BCAS3: variants seen among roughly 807,000 people sequenced by gnomAD.
The protein encoded by BCAS3 is BCAS4/BCAS3 fusion.
In BCAS3, 53 loss-of-function variants were observed where a neutral mutation model predicts 116.1. That is an observed-to-expected ratio of 0.46 (90% CI 0.37 to 0.57). The LOEUF is 0.57. Ranked by LOEUF, BCAS3 falls within the 20% of genes least tolerant of loss-of-function variation. The pLI, the probability that BCAS3 is intolerant of heterozygous loss-of-function variation, is 0.00. For missense variants in BCAS3, 917 were observed against 1,165.4 expected (o/e 0.79, Z 3.10); for synonymous variants, 391 against 408.2 (o/e 0.96, Z 0.51).
chr17:61,050,182 G>A (rs2068729796), intron 19 of BCAS3, among the ~76,000 whole-genome samples: 2 of 151,994 alleles, frequency 1.3e-5, no homozygotes, highest in African/African-American at 4.8e-5. Flanking sequence ...CATATGAAAT[G>A]TTAAAGGGAG....
At chr17:60,952,651 T>C (rs1157374798) in intron 14 of BCAS3, among the ~76,000 whole-genome samples, 2 of 152,134 alleles carry the variant, frequency 1.3e-5, no homozygotes, top group African/African-American at 4.8e-5. Context: ...GGGGTACATA[T>C]GCAGGTTTAT....
At chr17:60,718,646 T>A (rs567702781) in intron 5 of BCAS3, among the ~76,000 whole-genome samples, 2 of 152,292 alleles carry the variant, frequency 1.3e-5, no homozygotes, top group Admixed American at 1.3e-4. Flanking sequence ...AGGTGATACC[T>A]TGAGGATTCA....
intron 22 of BCAS3, among the ~76,000 whole-genome samples, chr17:61,232,890 A>T (rs1402079403): frequency 6.6e-6 from 1 of 152,228 alleles, no homozygotes; most frequent in Non-Finnish European, 1.5e-5. Context: ...CTACTGCATT[A>T]GCCTTGAGCT....
chr17:61,365,189 A>G lies in BCAS3; in HGVS notation c.2426-3138A>G, dbSNP rs2058661418. 6.6e-6 allele frequency among the ~76,000 whole-genome samples: 1 copy of G among 152,176 alleles called. No individual in the cohort carries two copies. The highest frequency in any genetic ancestry group is 1.5e-5 in the Non-Finnish European group (1 of 68,026). ...TCCAGGCCTATTTCCATCCACCACT[A>G]TGACACTAGCTCATGATTCTTTTCT... is the stretch of plus-strand genomic sequence containing the variant. On this transcript the variant is annotated intron_variant, in intron 22 of 23. Coordinates refer to ENST00000407086, the MANE Select transcript of BCAS3 (RefSeq NM_017679.5). The surrounding 1 kb of genome is among the most constrained non-coding windows in gnomAD (Gnocchi z 4.6).
rs1174321731 is a variant in BCAS3, at chr17:61,140,412, CAG to C, written c.2425+55849_2425+55850del. Among the ~76,000 whole-genome samples the C allele has an allele frequency of 6.6e-6, 1 of 152,178 alleles. No homozygotes were observed. The highest frequency in any genetic ancestry group is 1.5e-5 in the Non-Finnish European group (1 of 68,026). The stretch of plus-strand genomic sequence containing the variant: ...TAGAGTGCTGGTGGGAGATGTGGAA[CAG>C]GGGACAAGAGATGGAAGGTTTTGAG... On this transcript the variant is annotated intron_variant, in intron 22 of 23. Transcript: ENST00000407086. The surrounding 1 kb of genome is among the most constrained non-coding windows in gnomAD (Gnocchi z 4.2).
At chr17:60,887,856 A>G (rs1395381388) in intron 9 of BCAS3, among the ~76,000 whole-genome samples, 1 of 152,144 alleles carries the variant, frequency 6.6e-6, no homozygotes, top group Non-Finnish European at 1.5e-5. Flanking sequence ...GTACCTTCTT[A>G]ATTACTTTTT....
intron 6 of BCAS3, among the ~76,000 whole-genome samples, chr17:60,785,857 T>C (rs1219063801): frequency 6.6e-6 from 1 of 152,232 alleles, no homozygotes; most frequent in African/African-American, 2.4e-5. Flanking sequence ...GAAAAAGTTG[T>C]GTCTGAACTA....
intron 3 of BCAS3, among the ~76,000 whole-genome samples, chr17:60,687,650 G>T (rs1171634483): frequency 6.6e-6 from 1 of 151,584 alleles, no homozygotes; most frequent in East Asian, 1.9e-4. Flanking sequence ...TTTTTTTAAA[G>T]ACATCAGGTG....
chr17:61,323,383 G>T lies in BCAS3; in HGVS notation c.2426-44944G>T, dbSNP rs917923962. Among the ~76,000 whole-genome samples the T allele has an allele frequency of 2.6e-5, 4 of 152,176 alleles. No individual in the cohort carries two copies. The highest frequency in any genetic ancestry group is 2.0e-4 in the Admixed American group (3 of 15,278). On this transcript the variant is annotated intron_variant, in intron 22 of 23. Coordinates refer to ENST00000407086, the MANE Select transcript of BCAS3 (RefSeq NM_017679.5). The surrounding 1 kb of genome is among the most constrained non-coding windows in gnomAD (Gnocchi z 4.6). ...TAGTGCAGTGAGCAGTTAGCATAAG[G>T]GAGTTCCAGCCCCGGGTTCTAGTCT...
intron 7 of BCAS3, among the ~76,000 whole-genome samples, chr17:60,839,368 A>G (rs2051675302): frequency 1.3e-5 from 2 of 152,040 alleles, no homozygotes; most frequent in South Asian, 4.1e-4. Flanking sequence ...TGTCTGTTAG[A>G]TCTTTCTTGA....
rs915534285 is a variant in BCAS3, at chr17:61,231,827, A to T, written c.2426-136500A>T. Among the ~76,000 whole-genome samples the T allele has an allele frequency of 2.7e-4, 39 of 146,320 alleles. 1 individual carries two copies. Among genetic ancestry groups the T allele is most frequent in the African/African-American group, 9.2e-4 (37 of 40,072 alleles). On this transcript the variant is annotated intron_variant, in intron 22 of 23. Transcript: ENST00000407086. ...TGAGAGATCGAAGCTACAGTGAGCC[A>T]TGATTGCACCACTGCACTCAAGCCT...
At chr17:60,997,683 T>C (rs1267166863) in intron 15 of BCAS3, among the ~76,000 whole-genome samples, 2 of 152,218 alleles carry the variant, frequency 1.3e-5, no homozygotes, top group African/African-American at 4.8e-5. Flanking sequence ...TTTCTACACC[T>C]AAGTTACTTT....
Position 60,692,449 on chromosome 17 carries a change from A to G in BCAS3, c.214+2688A>G, listed in dbSNP as rs573934258. Among the ~76,000 whole-genome samples the G allele has an allele frequency of 2.0e-4, 30 of 152,128 alleles. 1 individual carries two copies. In the East Asian group the frequency reaches 5.8e-3, roughly 29 times the overall value. The stretch of plus-strand genomic sequence containing the variant: ...AGTAGAGACGGGGTTTCATCATGTT[A>G]GCCAGGATGGTCTCGATCTCCTGAC... On this transcript the variant is annotated intron_variant, in intron 4 of 23. Coordinates refer to ENST00000407086, the MANE Select transcript of BCAS3 (RefSeq NM_017679.5).
rs530670084 is a variant in BCAS3, at chr17:61,039,264, G to A, written c.1928+1210G>A. Among the ~76,000 whole-genome samples the A allele has an allele frequency of 3.9e-5, 6 of 152,222 alleles. No homozygotes were observed. In the South Asian group the frequency reaches 6.2e-4, roughly 16 times the overall value. On this transcript the variant is annotated intron_variant, in intron 18 of 23. Transcript: ENST00000407086. ...TTTCAAGATCTATCCATGTTGTAGC[G>A]TGTGTCAGAATTTCACTCCTTTTTA...
intron 19 of BCAS3, among the ~76,000 whole-genome samples, chr17:61,054,349 C>T (rs1267846087): frequency 1.3e-5 from 2 of 152,148 alleles, no homozygotes; most frequent in Non-Finnish European, 2.9e-5. Context: ...GTCGTACCAC[C>T]ATCCTGTCAT....
rs150806384 is a variant in BCAS3, at chr17:61,018,936, G to A, written c.1637+3035G>A. On this transcript the variant is annotated intron_variant, in intron 16 of 23. Coordinates refer to ENST00000407086, the MANE Select transcript of BCAS3 (RefSeq NM_017679.5). ...TGTACTACAAATTACCCAACCTACT[G>A]TTCCTTTTTTCCCTCACCATCTACT... Among the ~76,000 whole-genome samples the A allele has an allele frequency of 7.9e-5, 12 of 152,178 alleles. No individual in the cohort carries two copies. The East Asian group carries it at 2.3e-3, about 29-fold the overall frequency.
Position 61,344,578 on chromosome 17 carries a change from A to G in BCAS3, c.2426-23749A>G, listed in dbSNP as rs141029670. Reference sequence around the variant, plus strand: ...AGAGGAGGAAACAGCCAGCAGTGGCAGTAGTGTGTTACATGCTGATAGGGC... The same window carrying G: ...AGAGGAGGAAACAGCCAGCAGTGGCGGTAGTGTGTTACATGCTGATAGGGC... On this transcript the variant is annotated intron_variant, in intron 22 of 23. Coordinates refer to ENST00000407086, the MANE Select transcript of BCAS3 (RefSeq NM_017679.5). The surrounding 1 kb of genome is among the most constrained non-coding windows in gnomAD (Gnocchi z 4.1). Among the ~76,000 whole-genome samples the G allele has an allele frequency of 3.5e-4, 54 of 152,354 alleles. No individual in the cohort carries two copies. The East Asian group carries it at 3.9e-3, about 11-fold the overall frequency.
At chr17:60,793,636 A>T (rs1362180441) in intron 6 of BCAS3, among the ~76,000 whole-genome samples, 1 of 152,124 alleles carries the variant, frequency 6.6e-6, no homozygotes, top group African/African-American at 2.4e-5. Context: ...CCCACATATT[A>T]GTGAGAACAT....
At position 61,213,742 on chromosome 17, in the gene BCAS3, T is replaced by A. The variant is rs942776509; in HGVS notation, c.2425+129178T>A. Among the ~76,000 whole-genome samples, 1 of 152,102 alleles carries A rather than the reference T, an allele frequency of 6.6e-6. No individual in the cohort carries two copies. The highest frequency in any genetic ancestry group is 2.4e-5 in the African/African-American group (1 of 41,416). Reference sequence around the variant, plus strand: ...TGTACATTTAACTGCAGAGACTGGATTAGAACACACACATTCAGAATTTTC... The same window carrying A: ...TGTACATTTAACTGCAGAGACTGGAATAGAACACACACATTCAGAATTTTC... On this transcript the variant is annotated intron_variant, in intron 22 of 23. Transcript: ENST00000407086. The surrounding 1 kb of genome is among the most constrained non-coding windows in gnomAD (Gnocchi z 5.4).
Sources: allele counts gnomAD v4.1 joint callset (sites outside exome capture counted in the v4.1 genomes callset), GRCh38; gene constraint gnomAD v4.1.1; non-coding constraint Gnocchi (gnomAD v3.1); transcripts MANE v1.5; gene names NCBI Gene and HGNC (gene_info 2026-07-23, HGNC 2026-07-21).